ZYG11B: variants seen among roughly 807,000 people sequenced by gnomAD.
The protein encoded by ZYG11B is protein zyg-11 homolog B.
ZYG11B carries 36 observed loss-of-function variants against 82.4 expected under a neutral mutation model. The ratio of observed to expected loss-of-function variants is 0.44; its 90% CI spans 0.33 to 0.58. The LOEUF (loss-of-function observed/expected upper bound fraction) is 0.58, where lower values mean the gene tolerates loss of function less well. Ranked by LOEUF, ZYG11B falls within the 20% of genes least tolerant of loss-of-function variation. The pLI is 0.02. For missense variants in ZYG11B, 552 were observed against 895.6 expected, an observed-to-expected ratio of 0.62 and a Z score of 4.90; for synonymous variants, 303 against 312.8, an observed-to-expected ratio of 0.97 and a Z score of 0.33.
chr1:52,787,509 A>C (rs1644923585), intron 5 of ZYG11B, among the ~76,000 whole-genome samples: 1 of 152,226 alleles, frequency 6.6e-6, no homozygotes, highest in Admixed American at 6.5e-5. Flanking sequence ...TCTTTTTCTG[A>C]AACTGAGTGG....
chr1:52,775,243 CT>C (rs1295331245), intron 3 of ZYG11B, among the ~76,000 whole-genome samples: 1 of 152,152 alleles, frequency 6.6e-6, no homozygotes, highest in East Asian at 1.9e-4. Context: ...AGAGCTCTCC[CT>C]TGAAGTCAGA....
intron 7 of ZYG11B, 37 bp downstream of exon 7, chr1:52,796,428 G>A: frequency 6.6e-7 from 1 of 1,524,564 alleles, no homozygotes; most frequent in East Asian, 2.3e-5. Flanking sequence ...TCTGTAGACA[G>A]CTGTTTCTCA....
intron 12 of ZYG11B, 141 bp from the exon 13 acceptor site, chr1:52,816,391 A>C: frequency 3.2e-6 from 2 of 621,682 alleles, no homozygotes; most frequent in Non-Finnish European, 5.7e-6. Context: ...TAAGACAAAG[A>C]AATGATATTC....
At chr1:52,815,439 A>G (rs1645215345) in intron 12 of ZYG11B, among the ~76,000 whole-genome samples, 1 of 152,050 alleles carries the variant, frequency 6.6e-6, no homozygotes, top group Non-Finnish European at 1.5e-5. Context: ...TGAGCAACAT[A>G]GTGAGACCCC....
chr1:52,798,211 A>T (rs1312300631), intron 8 of ZYG11B, among the ~76,000 whole-genome samples: 2 of 152,134 alleles, frequency 1.3e-5, no homozygotes, highest in Non-Finnish European at 2.9e-5. Flanking sequence ...CCTTAACAGA[A>T]ATGGAAAAAG....
intron 5 of ZYG11B, among the ~76,000 whole-genome samples, chr1:52,786,950 C>T (rs1366979171): frequency 5.3e-5 from 8 of 152,124 alleles, no homozygotes; most frequent in African/African-American, 9.6e-5. Context: ...ATTAGCTGGG[C>T]GTGGTGGCGC....
chr1:52,750,002 A>G (rs918610415), intron 1 of ZYG11B, among the ~76,000 whole-genome samples: 1 of 152,224 alleles, frequency 6.6e-6, no homozygotes, highest in Admixed American at 6.5e-5. Flanking sequence ...CTGATCTTTG[A>G]AATGTGGAGT....
intron 6 of ZYG11B, among the ~76,000 whole-genome samples, chr1:52,794,941 C>T (rs573972420): frequency 6.6e-6 from 1 of 152,190 alleles, no homozygotes; most frequent in Admixed American, 6.5e-5. Context: ...TCTGTCCTTG[C>T]CCTCCTGGAG....
chr1:52,804,631 A>G (rs1645126562), intron 10 of ZYG11B, among the ~76,000 whole-genome samples: 1 of 151,890 alleles, frequency 6.6e-6, no homozygotes, highest in South Asian at 2.1e-4. Context: ...ACAAAAAACA[A>G]AAGCCTGCTT....
At chr1:52,759,879 G>A (rs1013088044) in intron 2 of ZYG11B, among the ~76,000 whole-genome samples, 1 of 152,142 alleles carries the variant, frequency 6.6e-6, no homozygotes, top group African/African-American at 2.4e-5. Flanking sequence ...CACCCAGGCT[G>A]GAGTGCAGTG....
rs568787794 is a variant in ZYG11B at position 52,825,104 on chromosome 1, T to C, written c.*3475T>C. On this transcript the variant is annotated 3_prime_UTR_variant, in exon 14 of 14. Coordinates refer to ENST00000294353, the MANE Select transcript of ZYG11B (RefSeq NM_024646.3). ...CATAATGAGGAAAATTTTTAAAAAA[T>C]AGATTATAATGATACATATTGGTAT... 7 of 152,248 alleles carry C rather than the reference T, an allele frequency of 4.6e-5. No individual in the cohort carries two copies. Among genetic ancestry groups the C allele is most frequent in the Admixed American group, 3.3e-4 (5 of 15,292 alleles). 9.4% of individuals were successfully genotyped at this position (152,248 alleles called of 1,614,324 possible).
At chr1:52,783,922 A>ACG (rs1644887642) in intron 4 of ZYG11B, among the ~76,000 whole-genome samples, 1 of 56,908 alleles carries the variant, frequency 1.8e-5, no homozygotes. Flanking sequence ...CTATACATAT[A>ACG]TGTGTATATA....
At chr1:52,776,229 A>AAAAT in intron 3 of ZYG11B, among the ~76,000 whole-genome samples, 3 of 23,536 alleles carry the variant, frequency 1.3e-4, no homozygotes, top group Non-Finnish European at 3.5e-4. Flanking sequence ...TAAAAAAAAA[A>AAAAT]ATATATATAT....
intron 10 of ZYG11B, among the ~76,000 whole-genome samples, chr1:52,803,199 TATATACACACAC>T (rs1558140405): frequency 9.6e-5 from 8 of 83,290 alleles, no homozygotes; most frequent in Non-Finnish European, 1.3e-4. Context: ...CACATATATA[TATATACACACAC>T]ATATATATAT....
chr1:52,755,801 G>A (rs541824738), intron 1 of ZYG11B, among the ~76,000 whole-genome samples: 47 of 151,738 alleles, frequency 3.1e-4, no homozygotes, highest in Non-Finnish European at 4.6e-4. Flanking sequence ...CACCACACCC[G>A]GCTTTGTTTG....
At chr1:52,770,126 C>T (rs1644737330) in intron 2 of ZYG11B, among the ~76,000 whole-genome samples, 1 of 142,620 alleles carries the variant, frequency 7.0e-6, no homozygotes, top group Non-Finnish European at 1.5e-5. Flanking sequence ...GGTTCTCACT[C>T]TGTCACCCAG....
intron 2 of ZYG11B, among the ~76,000 whole-genome samples, chr1:52,761,978 T>G (rs1408038275): frequency 6.6e-6 from 1 of 152,206 alleles, no homozygotes; most frequent in East Asian, 1.9e-4. Context: ...TTGAGAAATA[T>G]CTATTCAGGT....
In ZYG11B at chr1:52,726,693, C is replaced by G. The variant is rs1408116677; in HGVS notation, c.30+10C>G. On this transcript the variant is annotated intron_variant, in intron 1 of 13. Coordinates refer to ENST00000294353, the MANE Select transcript of ZYG11B (RefSeq NM_024646.3). ...GGCCGGCGCAGCCATGGTGAGGGAG[C>G]AAGGCCTGCCCTAGCCGCAGCCGCC... 2.0e-6 allele frequency: 3 copies of G among 1,477,218 alleles called. No individual in the cohort carries two copies. Among genetic ancestry groups the G allele is most frequent in the Admixed American group, 4.6e-5 (2 of 43,036 alleles). 91.5% of individuals were successfully genotyped at this position (1,477,218 alleles called of 1,614,324 possible). A position where few individuals can be genotyped will look rare whatever the true frequency, so the allele number is the denominator to read the frequency against.
chr1:52,765,249 C>G (rs1160874912), intron 2 of ZYG11B, among the ~76,000 whole-genome samples: 1 of 151,960 alleles, frequency 6.6e-6, no homozygotes, highest in Admixed American at 6.6e-5. Flanking sequence ...GTTTCCCAGG[C>G]TGGAGTGTAG....
Sources: allele counts gnomAD v4.1 joint callset (sites outside exome capture counted in the v4.1 genomes callset), GRCh38; gene constraint gnomAD v4.1.1; transcripts MANE v1.5; gene names NCBI Gene and HGNC (gene_info 2026-07-23, HGNC 2026-07-21).